AGBL4: variants seen among roughly 807,000 people sequenced by gnomAD.
AGBL4 encodes the protein cytosolic carboxypeptidase 6.
A neutral mutation model predicts 66.4 loss-of-function variants in AGBL4; 58 were observed. That is an observed-to-expected ratio of 0.87 (90% confidence interval 0.71 to 1.09). The LOEUF (loss-of-function observed/expected upper bound fraction) is 1.09, where lower values mean the gene tolerates loss of function less well. AGBL4 is among the 50% of genes least tolerant of loss of function. The probability of loss-of-function intolerance (pLI) is 0.00; values close to 1 mark genes in which losing one functional copy is unlikely to be tolerated. For synonymous variants in AGBL4, 234 were observed against 222.9 expected, an observed-to-expected ratio of 1.05 and a Z score of -0.44; for missense variants, 579 against 631.0, an observed-to-expected ratio of 0.92 and a Z score of 0.88.
At chr1:48,941,384 T>A (rs927315096) in intron 5 of AGBL4, among the ~76,000 whole-genome samples, 5 of 152,228 alleles carry the variant, frequency 3.3e-5, no homozygotes, top group African/African-American at 1.2e-4. Context: ...ATTGGCCTGT[T>A]ACTTTCATTT....
At chr1:48,946,470 G>A (rs1438091515) in intron 5 of AGBL4, among the ~76,000 whole-genome samples, 1 of 152,164 alleles carries the variant, frequency 6.6e-6, no homozygotes, top group Non-Finnish European at 1.5e-5. Context: ...TCTGAATTTG[G>A]CTTTGGCATC....
chr1:49,817,873 T>C (rs930937500), intron 2 of AGBL4, among the ~76,000 whole-genome samples: 2 of 152,224 alleles, frequency 1.3e-5, no homozygotes, highest in Admixed American at 1.3e-4. Context: ...ATCAATTCCA[T>C]AAATCATTCA....
intron 3 of AGBL4, chr1:49,269,254 G>C (rs1331221392): frequency 6.6e-6 from 1 of 152,164 alleles, no homozygotes; most frequent in East Asian, 1.9e-4. Flanking sequence ...CATCCGGTTG[G>C]CCCATGGACT....
At chr1:49,976,915 T>A (rs953764218) in intron 1 of AGBL4, among the ~76,000 whole-genome samples, 11 of 152,210 alleles carry the variant, frequency 7.2e-5, no homozygotes, top group Admixed American at 7.2e-4. Context: ...CTTAATCAAT[T>A]TAGAAGATAC....
intron 1 of AGBL4, among the ~76,000 whole-genome samples, chr1:49,921,530 T>C (rs538435375): frequency 1.7e-4 from 26 of 152,176 alleles, no homozygotes; most frequent in Admixed American, 1.5e-3. Context: ...AGTCCCACAA[T>C]AGGCCATCTG....
chr1:48,553,494 G>C (rs1644278859), intron 11 of AGBL4, among the ~76,000 whole-genome samples: 1 of 152,136 alleles, frequency 6.6e-6, no homozygotes, highest in South Asian at 2.1e-4. Flanking sequence ...CACTTGCTTG[G>C]AGCAAGTCTC....
chr1:49,320,244 CA>C (rs1368479043), intron 3 of AGBL4, among the ~76,000 whole-genome samples: 1 of 151,726 alleles, frequency 6.6e-6, no homozygotes, highest in African/African-American at 2.4e-5. Context: ...AATTAAATTT[CA>C]AAACAAGTTT....
At chr1:48,544,379 A>C (rs540179378) in intron 11 of AGBL4, among the ~76,000 whole-genome samples, 9 of 152,198 alleles carry the variant, frequency 5.9e-5, no homozygotes, top group Non-Finnish European at 1.3e-4. Context: ...ATTGCAGCAA[A>C]CATTGTGGAG....
At chr1:48,572,341 T>G (rs1644578940) in intron 11 of AGBL4, among the ~76,000 whole-genome samples, 1 of 152,074 alleles carries the variant, frequency 6.6e-6, no homozygotes, top group African/African-American at 2.4e-5. Flanking sequence ...TTGTTTGAGT[T>G]TCTGATACTA....
At chr1:48,929,877 C>A (rs185290878) in intron 5 of AGBL4, among the ~76,000 whole-genome samples, 1 of 152,264 alleles carries the variant, frequency 6.6e-6, no homozygotes, top group East Asian at 1.9e-4. Flanking sequence ...TCAGACTTTT[C>A]TCTGATTTTA....
intron 3 of AGBL4, among the ~76,000 whole-genome samples, chr1:49,465,653 C>A (rs1432795354): frequency 6.6e-6 from 1 of 151,814 alleles, no homozygotes; most frequent in Non-Finnish European, 1.5e-5. Flanking sequence ...GTAGGTAATA[C>A]AAGCATTCCT....
At chr1:49,978,682 T>C (rs1658789415) in intron 1 of AGBL4, among the ~76,000 whole-genome samples, 1 of 152,146 alleles carries the variant, frequency 6.6e-6, no homozygotes, top group Non-Finnish European at 1.5e-5. Context: ...ACATATACCA[T>C]TTTAGTTAAA....
At chr1:49,059,617 C>T (rs1285758697) in intron 4 of AGBL4, among the ~76,000 whole-genome samples, 1 of 152,172 alleles carries the variant, frequency 6.6e-6, no homozygotes. Context: ...CAGCTTGCAC[C>T]ATGCACCTGG....
Position 49,524,839 on chromosome 1 carries a change from C to T in AGBL4, c.282+172474G>A, listed in dbSNP as rs189066668. Among the ~76,000 whole-genome samples the T allele has an allele frequency of 1.3e-3, 202 of 152,086 alleles. 2 individuals carry two copies. Among genetic ancestry groups the T allele is most frequent in the African/African-American group, 4.2e-3 (174 of 41,508 alleles). On this transcript the variant is annotated intron_variant, in intron 3 of 13. Transcript: ENST00000371839. ...ACCACTGATATCACTCCTACTAATG[C>T]GTGAACCCCTTATGAATAATAAACC...
intron 3 of AGBL4, among the ~76,000 whole-genome samples, chr1:49,451,388 A>G (rs1646274765): frequency 6.6e-6 from 1 of 152,070 alleles, no homozygotes; most frequent in Non-Finnish European, 1.5e-5. Flanking sequence ...ATAACCCAAA[A>G]TAATCACAGA....
At chr1:49,067,382 G>T (rs1252767206) in intron 4 of AGBL4, among the ~76,000 whole-genome samples, 2 of 152,210 alleles carry the variant, frequency 1.3e-5, no homozygotes, top group African/African-American at 2.4e-5. Flanking sequence ...AAATAGGTTA[G>T]TCTCAGGACT....
chr1:49,866,865 G>A (rs916691691), intron 1 of AGBL4, among the ~76,000 whole-genome samples: 3 of 151,036 alleles, frequency 2.0e-5, no homozygotes, highest in African/African-American at 4.9e-5. Context: ...TCCTGGATTC[G>A]CTGTTCCTCT....
rs35924600 is a variant in AGBL4, at chr1:48,902,923, C to T, written c.595-35693G>A. Among the ~76,000 whole-genome samples the T allele has an allele frequency of 2.7e-3, 405 of 152,250 alleles. 2 individuals carry two copies. The highest frequency in any genetic ancestry group is 0.01 in the Middle Eastern group (3 of 294). The stretch of plus-strand genomic sequence containing the variant: ...ACTTGTGAGGCCTTCTAAGACTTGG[C>T]CCCTCTCATCTTCTGCAGTCCTCTG... On this transcript the variant is annotated intron_variant, in intron 5 of 13. Transcript: ENST00000371839.
At chr1:49,821,607 T>C (rs1269946844) in intron 2 of AGBL4, among the ~76,000 whole-genome samples, 1 of 152,186 alleles carries the variant, frequency 6.6e-6, no homozygotes, top group East Asian at 1.9e-4. Flanking sequence ...TTTCCATAAA[T>C]ACTCATAAAG....
Sources: allele counts gnomAD v4.1 joint callset (sites outside exome capture counted in the v4.1 genomes callset), GRCh38; gene constraint gnomAD v4.1.1; transcripts MANE v1.5; gene names NCBI Gene and HGNC (gene_info 2026-07-23, HGNC 2026-07-21).